EHBP1: variants seen among roughly 807,000 people sequenced by gnomAD.
EHBP1 encodes EH domain-binding protein 1.
A neutral mutation model predicts 144.0 loss-of-function variants in EHBP1; 55 were observed. That is an observed-to-expected ratio of 0.38 (90% confidence interval 0.31 to 0.48). The LOEUF (loss-of-function observed/expected upper bound fraction) is 0.48, where lower values mean the gene tolerates loss of function less well. Among genes scored for constraint, EHBP1 ranks in the 20% least tolerant of loss-of-function variants. EHBP1 has a pLI of 0.98. For missense variants in EHBP1, 1,200 were observed against 1,364.2 expected (o/e 0.88, Z 1.90); for synonymous variants, 469 against 472.7 (o/e 0.99, Z 0.10).
chr2:62,794,595 CTT>C (rs1479368516), intron 5 of EHBP1, among the ~76,000 whole-genome samples: 1 of 151,894 alleles, frequency 6.6e-6, no homozygotes, highest in African/African-American at 2.4e-5. Flanking sequence ...TGCAATATAA[CTT>C]TTTATTCTGA....
chr2:62,963,593 A>G (rs1574267979), intron 14 of EHBP1, among the ~76,000 whole-genome samples: 1 of 152,230 alleles, frequency 6.6e-6, no homozygotes, highest in Non-Finnish European at 1.5e-5. Context: ...AATTAAGTTC[A>G]AGTTAAAATT....
chr2:62,785,210 G>C (rs1343315662), intron 5 of EHBP1, among the ~76,000 whole-genome samples: 1 of 151,862 alleles, frequency 6.6e-6, no homozygotes, highest in East Asian at 1.9e-4. Context: ...AATTGACTTT[G>C]CAACCCATTA....
intron 4 of EHBP1, 49 bp downstream of exon 4, chr2:62,764,410 C>T: frequency 7.4e-7 from 1 of 1,349,452 alleles, no homozygotes. Context: ...AACCAGGGTA[C>T]CAAATGACAG....
chr2:62,699,650 C>A (rs1006725083), intron 1 of EHBP1, among the ~76,000 whole-genome samples: 1 of 152,182 alleles, frequency 6.6e-6, no homozygotes, highest in Non-Finnish European at 1.5e-5. Flanking sequence ...GACAACTAGG[C>A]CAACGTTTAC....
intron 10 of EHBP1, among the ~76,000 whole-genome samples, chr2:62,880,358 A>G (rs1433088963): frequency 6.6e-6 from 1 of 152,006 alleles, no homozygotes; most frequent in Non-Finnish European, 1.5e-5. Flanking sequence ...AAAAAAAAAA[A>G]AAGAAAATTG....
At chr2:62,767,269 A>T (rs1049328375) in intron 4 of EHBP1, among the ~76,000 whole-genome samples, 1 of 152,180 alleles carries the variant, frequency 6.6e-6, no homozygotes, top group Non-Finnish European at 1.5e-5. Context: ...TTAATAGTAC[A>T]TTTACTGGTT....
intron 19 of EHBP1, among the ~76,000 whole-genome samples, chr2:63,002,117 T>C (rs904816214): frequency 1.8e-4 from 28 of 152,164 alleles, no homozygotes; most frequent in Non-Finnish European, 1.9e-4. Flanking sequence ...CAAGGTTCCC[T>C]TCAAAAGAAG....
chr2:62,684,655 C>G (rs1558507082), intron 1 of EHBP1, among the ~76,000 whole-genome samples: 1 of 152,130 alleles, frequency 6.6e-6, no homozygotes, highest in Non-Finnish European at 1.5e-5. Context: ...TGCTTTAAAA[C>G]AAGCATTTGT....
chr2:62,986,251 G>C (rs2059183030), intron 15 of EHBP1, among the ~76,000 whole-genome samples: 1 of 152,142 alleles, frequency 6.6e-6, no homozygotes, highest in African/African-American at 2.4e-5. Context: ...CCACTTCTGT[G>C]AAATGAGTCA....
rs2049320878 is a variant in EHBP1 at position 62,859,310 on chromosome 2, A to G, written c.757+19A>G. The G allele has an allele frequency of 6.3e-7, 1 of 1,592,850 alleles. No homozygotes were observed. The highest frequency in any genetic ancestry group is 8.6e-7 in the Non-Finnish European group (1 of 1,166,150). On this transcript the variant is annotated intron_variant, in intron 8 of 22. Transcript: ENST00000431489. ...TCAGAAGGTAGCAAGTTTTTCTGTAATTTTAAAGTCTTTGTATAGTCAAGT... is the reference window on the plus strand; with the variant it reads ...TCAGAAGGTAGCAAGTTTTTCTGTAGTTTTAAAGTCTTTGTATAGTCAAGT...
chr2:62,826,604 A>C (rs2046364507), intron 6 of EHBP1: 1 of 164,772 alleles, frequency 6.1e-6, no homozygotes, highest in African/African-American at 2.4e-5. Flanking sequence ...TGTTTGATGC[A>C]ATTGAGACAT....
chr2:62,970,778 A>G (rs992805919), intron 14 of EHBP1, among the ~76,000 whole-genome samples: 1 of 152,216 alleles, frequency 6.6e-6, no homozygotes, highest in South Asian at 2.1e-4. Context: ...TCTCTGTGAA[A>G]TGAAACTCCA....
At chr2:62,891,174 A>G (rs1358025611) in intron 10 of EHBP1, among the ~76,000 whole-genome samples, 1 of 150,856 alleles carries the variant, frequency 6.6e-6, no homozygotes. Flanking sequence ...AAAAAAAAAA[A>G]GTCTCTATAT....
chr2:62,799,603 C>T (rs2043826414), intron 5 of EHBP1, among the ~76,000 whole-genome samples: 1 of 152,162 alleles, frequency 6.6e-6, no homozygotes, highest in Non-Finnish European at 1.5e-5. Context: ...ACAAATTGCC[C>T]TGAGGCAAGC....
chr2:62,916,352 G>A (rs1042019532), intron 10 of EHBP1, among the ~76,000 whole-genome samples: 15 of 152,032 alleles, frequency 9.9e-5, no homozygotes, highest in Non-Finnish European at 1.3e-4. Context: ...AGCACTTTGG[G>A]AGGCCAAGGC....
chr2:62,942,647 A>G, intron 10 of EHBP1, 71 bp from the exon 11 acceptor site: 1 of 1,363,742 alleles, frequency 7.3e-7, no homozygotes, highest in Non-Finnish European at 1.0e-6. Context: ...TGATCTGATT[A>G]GGTCAATTAA....
chr2:62,798,508 A>G (rs1205551059), intron 5 of EHBP1, among the ~76,000 whole-genome samples: 7 of 151,850 alleles, frequency 4.6e-5, no homozygotes, highest in Admixed American at 1.3e-4. Context: ...GACATTTCCT[A>G]CCTGTGTGAT....
rs1001791371 is a variant in EHBP1 at position 62,835,515 on chromosome 2, C to T, written c.634+4357C>T. On this transcript the variant is annotated intron_variant, in intron 7 of 22. Transcript: ENST00000431489. ...CAAGATGGCCGAATAGGAACAGCTC[C>T]GGTCTACAGCTCCCAGCGTGAGCGA... Among the ~76,000 whole-genome samples, 11 of 152,302 alleles carry T rather than the reference C, an allele frequency of 7.2e-5. No homozygotes were observed. In the South Asian group the frequency reaches 8.3e-4, roughly 11 times the overall value.
chr2:62,830,715 G>A (rs931561122), intron 6 of EHBP1, among the ~76,000 whole-genome samples: 5 of 152,158 alleles, frequency 3.3e-5, no homozygotes, highest in South Asian at 2.1e-4. Flanking sequence ...ACTCTTTGCC[G>A]AAGCCAATGT....
Sources: allele counts gnomAD v4.1 joint callset (sites outside exome capture counted in the v4.1 genomes callset), GRCh38; gene constraint gnomAD v4.1.1; transcripts MANE v1.5; gene names NCBI Gene and HGNC (gene_info 2026-07-23, HGNC 2026-07-21).